The following HIVEP3 variants were observed in gnomAD, a reference collection of about 807,000 sequenced individuals.
HIVEP3 encodes transcription factor HIVEP3.
HIVEP3 carries 49 observed loss-of-function variants against 152.8 expected under a neutral mutation model. The observed-to-expected ratio is 0.32, with a 90% CI of 0.26 to 0.41. The LOEUF (loss-of-function observed/expected upper bound fraction) is 0.41, where lower values mean the gene tolerates loss of function less well. Ranked by LOEUF, HIVEP3 falls within the 10% of genes least tolerant of loss-of-function variation. The pLI is 1.00. For synonymous variants in HIVEP3, 1,269 were observed against 1,289.0 expected (o/e 0.98, Z 0.33); for missense variants, 2,790 against 3,103.3 (o/e 0.90, Z 2.40).
intron 1 of HIVEP3, among the ~76,000 whole-genome samples, chr1:41,852,650 TG>T (rs1304731821): frequency 6.6e-6 from 1 of 152,236 alleles, no homozygotes; most frequent in African/African-American, 2.4e-5. Context: ...TCAGTCTTCA[TG>T]GGCTGCACTG....
Position 41,582,575 on chromosome 1 carries a change from C to T in HIVEP3, c.2223G>A (p.Gly741=), listed in dbSNP as rs749294345. The T allele has an allele frequency of 1.4e-5, 22 of 1,612,234 alleles. 1 individual carries two copies. The South Asian group carries it at 2.3e-4, about 17-fold the overall frequency. The change falls in exon 4 of 9, where the codon GGG becomes GGA. Residue 741 remains glycine (G), a synonymous_variant. Transcript: ENST00000372583. This position sits in a 1 kb window ranked among gnomAD's most constrained non-coding sequence, Gnocchi z 4.7. ...GAAGGTTCCGAGCAGCATCAGATGG[C>T]CCGGGGCTGCCAAACTGACTTTTTG... The part of the protein sequence containing the change: ...ESTKSQFGSP[G]PSDAARNLPL...
rs137927968 is a variant in HIVEP3 at position 41,619,511 on chromosome 1, G to C, written c.-522+9238C>G. ...TCCCTACCAGAATGTAACTCCAAGA[G>C]GCAGGTGTTTTGTGCTTTGTCACCC... is the stretch of plus-strand genomic sequence containing the variant. On this transcript the variant is annotated intron_variant, in intron 3 of 8. Coordinates refer to ENST00000372583, the MANE Select transcript of HIVEP3 (RefSeq NM_024503.5). Among the ~76,000 whole-genome samples, 258 of 152,350 alleles carry C rather than the reference G, an allele frequency of 1.7e-3. 1 individual carries two copies. The highest frequency in any genetic ancestry group is 5.9e-3 in the African/African-American group (245 of 41,584).
rs1485607079 is a variant in HIVEP3, at chr1:41,583,248, T to C, written c.1550A>G (p.Lys517Arg). The C allele has an allele frequency of 1.2e-6, 2 of 1,613,080 alleles. No homozygotes were observed. The highest frequency in any genetic ancestry group is 1.7e-6 in the Non-Finnish European group (2 of 1,179,682). ...EPLSSHSEKT[K>R]PEQSLLSLQH... is the part of the protein sequence containing the mutation. ...GAGGCTCAGCAGTGATTGTTCAGGC[T>C]TGGTTTTCTCACTGTGGGATGACAG... The change falls in exon 4 of 9, where the codon AAG becomes AGG. Residue 517 changes from lysine (K) to arginine (R), a missense_variant. Lys to Arg is a conservative substitution (Grantham distance 26). This residue lies in a region of HIVEP3 where 134 missense variants were observed against 242.5 expected (regional missense o/e 0.55). Transcript: ENST00000372583. The surrounding 1 kb of genome is among the most constrained non-coding windows in gnomAD (Gnocchi z 6.9).
At chr1:41,522,498 A>G (rs773677167) in intron 6 of HIVEP3, among the ~76,000 whole-genome samples, 6 of 152,212 alleles carry the variant, frequency 3.9e-5, no homozygotes, top group Non-Finnish European at 7.3e-5. Context: ...GCACGGCCTC[A>G]CAGCCCTGGC....
chr1:41,915,194 C>T (rs1246760408), intron 1 of HIVEP3, among the ~76,000 whole-genome samples: 1 of 151,672 alleles, frequency 6.6e-6, no homozygotes, highest in African/African-American at 2.4e-5. Context: ...ATTGGATGAA[C>T]AAAATATAAT....
intron 2 of HIVEP3, among the ~76,000 whole-genome samples, chr1:41,659,176 T>C (rs1415004537): frequency 6.6e-6 from 1 of 152,244 alleles, no homozygotes; most frequent in Non-Finnish European, 1.5e-5. Context: ...ACAGGGCCTT[T>C]GTACCTGCTG....
chr1:41,827,136 GAC>G (rs1642827437), intron 1 of HIVEP3, among the ~76,000 whole-genome samples: 1 of 152,210 alleles, frequency 6.6e-6, no homozygotes, highest in African/African-American at 2.4e-5. Flanking sequence ...GGGGGCTGCT[GAC>G]GGCCATAATC....
At chr1:41,722,910 G>T (rs908005948) in intron 1 of HIVEP3, among the ~76,000 whole-genome samples, 1 of 152,166 alleles carries the variant, frequency 6.6e-6, no homozygotes, top group Non-Finnish European at 1.5e-5. Context: ...CAGAGAGAGA[G>T]ATGCATGTGT....
At chr1:41,776,561 C>T (rs191820223) in intron 1 of HIVEP3, among the ~76,000 whole-genome samples, 65 of 152,344 alleles carry the variant, frequency 4.3e-4, no homozygotes, top group Admixed American at 1.6e-3. Flanking sequence ...GATGAGGCTG[C>T]AGACCAGCCT....
chr1:41,946,005 A>T (rs1645072825), intron 1 of HIVEP3, among the ~76,000 whole-genome samples: 1 of 152,172 alleles, frequency 6.6e-6, no homozygotes, highest in South Asian at 2.1e-4. Flanking sequence ...GGTCAGGAGA[A>T]GCAGGCGGAA....
intron 1 of HIVEP3, among the ~76,000 whole-genome samples, chr1:41,915,437 T>C (rs956312416): frequency 6.6e-6 from 1 of 152,222 alleles, no homozygotes; most frequent in African/African-American, 2.4e-5. Flanking sequence ...GCTTTAATAA[T>C]CCTTGCACAG....
At chr1:41,559,759 T>C (rs1462488660) in intron 5 of HIVEP3, among the ~76,000 whole-genome samples, 1 of 152,244 alleles carries the variant, frequency 6.6e-6, no homozygotes, top group Admixed American at 6.5e-5. Context: ...ACAGTTTCCT[T>C]ACTGGCAAAT....
intron 5 of HIVEP3, among the ~76,000 whole-genome samples, chr1:41,529,444 C>CCCCACA (rs1307428238): frequency 1.9e-5 from 2 of 103,952 alleles, no homozygotes; most frequent in Non-Finnish European, 4.2e-5. Flanking sequence ...CATGCTCACA[C>CCCCACA]CCCACACCCT....
Position 41,675,894 on chromosome 1 carries a change from G to A in HIVEP3, c.-721+25022C>T, listed in dbSNP as rs183723121. Among the ~76,000 whole-genome samples the A allele has an allele frequency of 2.0e-5, 3 of 152,278 alleles. No homozygotes were observed. The East Asian group carries it at 5.8e-4, about 29-fold the overall frequency. ...TTGCGGCTCCAGGGTGTGTCCACACGGCCCAGCTCAGACACATAATGTTAT... is the reference window on the plus strand; with the variant it reads ...TTGCGGCTCCAGGGTGTGTCCACACAGCCCAGCTCAGACACATAATGTTAT... On this transcript the variant is annotated intron_variant, in intron 2 of 8. Coordinates refer to ENST00000372583, the MANE Select transcript of HIVEP3 (RefSeq NM_024503.5).
At chr1:41,749,807 C>T (rs915664293) in intron 1 of HIVEP3, among the ~76,000 whole-genome samples, 5 of 152,260 alleles carry the variant, frequency 3.3e-5, no homozygotes, top group Non-Finnish European at 7.4e-5. Context: ...TACGGAGCTC[C>T]GGGGGCACAG....
intron 1 of HIVEP3, among the ~76,000 whole-genome samples, chr1:41,747,706 A>G (rs1570450853): frequency 6.6e-6 from 1 of 152,210 alleles, no homozygotes; most frequent in South Asian, 2.1e-4. Context: ...ATATACACCT[A>G]TGTCACCATC....
intron 8 of HIVEP3, among the ~76,000 whole-genome samples, chr1:41,512,481 T>C (rs1250654530): frequency 6.6e-6 from 1 of 152,196 alleles, no homozygotes; most frequent in Non-Finnish European, 1.5e-5. Context: ...TGTGAGCCTA[T>C]TCAACCTCTT....
chr1:41,684,686 G>C (rs1314515926), intron 2 of HIVEP3, among the ~76,000 whole-genome samples: 1 of 152,254 alleles, frequency 6.6e-6, no homozygotes, highest in African/African-American at 2.4e-5. Context: ...ACATGCAACA[G>C]TATCTACTTT....
chr1:41,943,736 A>C (rs556241121), intron 1 of HIVEP3, among the ~76,000 whole-genome samples: 1 of 152,248 alleles, frequency 6.6e-6, no homozygotes, highest in Non-Finnish European at 1.5e-5. Flanking sequence ...ATGGCATCTG[A>C]AAGTTATTGG....
Sources: allele counts gnomAD v4.1 joint callset (sites outside exome capture counted in the v4.1 genomes callset), GRCh38; gene constraint gnomAD v4.1.1; regional missense constraint gnomAD v4.1.1; non-coding constraint Gnocchi (gnomAD v3.1); transcripts MANE v1.5; gene names NCBI Gene and HGNC (gene_info 2026-07-23, HGNC 2026-07-21).